The following PTPRM variants were observed in gnomAD, a reference collection of about 807,000 sequenced individuals.
PTPRM encodes protein tyrosine phosphatase receptor type M.
PTPRM carries 47 observed loss-of-function variants against 186.7 expected under a neutral mutation model. The observed-to-expected ratio is 0.25, with a 90% confidence interval of 0.20 to 0.32. The LOEUF is 0.32. Ranked by LOEUF, PTPRM falls within the 10% of genes least tolerant of loss-of-function variation. PTPRM has a pLI of 1.00. For missense variants in PTPRM, 1,494 were observed against 1,865.0 expected (o/e 0.80, Z 3.66); for synonymous variants, 668 against 674.9 (o/e 0.99, Z 0.16).
At chr18:8,264,010 T>C (rs1215201513) in intron 19 of PTPRM, among the ~76,000 whole-genome samples, 1 of 152,136 alleles carries the variant, frequency 6.6e-6, no homozygotes, top group East Asian at 1.9e-4. Flanking sequence ...GGGACTGGCA[T>C]CTGAAGCGGG....
intron 19 of PTPRM, among the ~76,000 whole-genome samples, chr18:8,295,199 G>T (rs1213926783): frequency 6.6e-6 from 1 of 152,146 alleles, no homozygotes; most frequent in Non-Finnish European, 1.5e-5. Context: ...ACATCTCGTG[G>T]CGTCTGCGAG....
intron 14 of PTPRM, among the ~76,000 whole-genome samples, chr18:8,149,510 A>C (rs1438211824): frequency 6.6e-6 from 1 of 152,030 alleles, no homozygotes; most frequent in Admixed American, 6.6e-5. Context: ...CTTGGTAAAT[A>C]TTCTCCATCC....
chr18:8,196,013 C>T (rs2093773337), intron 14 of PTPRM, among the ~76,000 whole-genome samples: 1 of 152,148 alleles, frequency 6.6e-6, no homozygotes, highest in African/African-American at 2.4e-5. Flanking sequence ...TATTCCTTTC[C>T]ACTCAAGCAC....
rs141169722 is a variant in PTPRM at position 8,042,884 on chromosome 18, C to T, written c.1133-26802C>T. Among the ~76,000 whole-genome samples the T allele has an allele frequency of 4.4e-3, 667 of 152,276 alleles. 2 individuals are homozygous for T. Among genetic ancestry groups the T allele is most frequent in the African/African-American group, 0.015 (644 of 41,550 alleles). ...ATGTTGCCATTTTCTTGGTCCAGGC[C>T]TCATGTACTCATCGCCAAGACAGTT... On this transcript the variant is annotated intron_variant, in intron 7 of 32. Coordinates refer to ENST00000580170, the MANE Select transcript of PTPRM (RefSeq NM_001105244.2).
Position 8,069,876 on chromosome 18 carries a change from C to T in PTPRM, c.1323C>T (p.His441=), listed in dbSNP as rs749718741. The T allele has an allele frequency of 2.5e-6, 4 of 1,613,688 alleles. No individual in the cohort carries two copies. In the Admixed American group the frequency reaches 5.0e-5, roughly 20 times the overall value. The change falls in exon 8 of 33, where the codon CAC becomes CAT. Residue 441 remains histidine (H), a synonymous_variant. Coordinates refer to ENST00000580170, the MANE Select transcript of PTPRM (RefSeq NM_001105244.2). ...EEVSWDTENS[H]PQHTITNLSP... ...TAAGCTGGGATACAGAAAACTCACA[C>T]CCTCAACACACGATCACTAACCTGT...
chr18:7,574,424 T>C (rs1373407037), intron 1 of PTPRM, among the ~76,000 whole-genome samples: 1 of 152,258 alleles, frequency 6.6e-6, no homozygotes, highest in African/African-American at 2.4e-5. Context: ...TGCAGCCCAG[T>C]GTGCTTATTA....
chr18:8,171,981 T>C (rs1384927558), intron 14 of PTPRM, among the ~76,000 whole-genome samples: 1 of 152,186 alleles, frequency 6.6e-6, no homozygotes, highest in Non-Finnish European at 1.5e-5. Flanking sequence ...ACAGAATGGT[T>C]GTATGGATAC....
chr18:7,934,533 G>C (rs1033579694), intron 5 of PTPRM, among the ~76,000 whole-genome samples: 1 of 152,174 alleles, frequency 6.6e-6, no homozygotes, highest in Admixed American at 6.5e-5. Context: ...ATCTACCATA[G>C]AATTTGGCTT....
At position 7,897,251 on chromosome 18, in the gene PTPRM, T is replaced by C. The variant is rs540443183; in HGVS notation, c.468+8874T>C. ...GCTGGAGCCAGAATTTGGGCTTTGC[T>C]GAGTATTTCTTGAGTCTAGTGTTCC... On this transcript the variant is annotated intron_variant, in intron 3 of 32. Coordinates refer to ENST00000580170, the MANE Select transcript of PTPRM (RefSeq NM_001105244.2). Among the ~76,000 whole-genome samples, 7 of 152,350 alleles carry C rather than the reference T, an allele frequency of 4.6e-5. No individual in the cohort carries two copies. The East Asian group carries it at 1.4e-3, about 29-fold the overall frequency.
At chr18:8,141,009 TC>T (rs2092754571) in intron 13 of PTPRM, among the ~76,000 whole-genome samples, 1 of 152,110 alleles carries the variant, frequency 6.6e-6, no homozygotes, top group South Asian at 2.1e-4. Flanking sequence ...ATATCCCCTG[TC>T]CAAGGCCCGC....
At chr18:7,952,908 G>A (rs139372298) in intron 6 of PTPRM, among the ~76,000 whole-genome samples, 3,273 of 152,038 alleles carry the variant, frequency 0.022, 44 homozygotes, top group African/African-American at 0.044. Flanking sequence ...CAGGAGGCTG[G>A]GGCTGGAGAA....
intron 1 of PTPRM, among the ~76,000 whole-genome samples, chr18:7,709,214 C>T (rs778014461): frequency 6.6e-6 from 1 of 152,120 alleles, no homozygotes; most frequent in African/African-American, 2.4e-5. Flanking sequence ...CAATTATCTT[C>T]TCAGACCACA....
intron 4 of PTPRM, among the ~76,000 whole-genome samples, chr18:7,914,385 TCTTAC>T (rs1189585706): frequency 2.0e-5 from 3 of 152,166 alleles, no homozygotes; most frequent in Non-Finnish European, 4.4e-5. Context: ...TAAAGCCTAT[TCTTAC>T]CTTTCAAGGA....
chr18:7,858,314 T>G (rs1298890918), intron 2 of PTPRM, among the ~76,000 whole-genome samples: 1 of 152,072 alleles, frequency 6.6e-6, no homozygotes, highest in East Asian at 1.9e-4. Context: ...TCCAGCACTT[T>G]GGGAGGCCGA....
At chr18:8,082,539 C>G (rs974337704) in intron 9 of PTPRM, among the ~76,000 whole-genome samples, 1 of 149,384 alleles carries the variant, frequency 6.7e-6, no homozygotes, top group African/African-American at 2.5e-5. Context: ...CCCTCTCTCC[C>G]CTTCTCTCTC....
chr18:7,867,143 C>G (rs2047749049), intron 2 of PTPRM, among the ~76,000 whole-genome samples: 1 of 152,200 alleles, frequency 6.6e-6, no homozygotes, highest in African/African-American at 2.4e-5. Flanking sequence ...GGTCTCGACT[C>G]TTTGTCCAGT....
intron 30 of PTPRM, among the ~76,000 whole-genome samples, chr18:8,385,495 C>T (rs1204432907): frequency 6.6e-6 from 1 of 152,160 alleles, no homozygotes; most frequent in Non-Finnish European, 1.5e-5. Flanking sequence ...CACCGAGGCT[C>T]TCTGGGGAGG....
intron 10 of PTPRM, among the ~76,000 whole-genome samples, chr18:8,087,641 G>A (rs2090497623): frequency 6.6e-6 from 1 of 152,130 alleles, no homozygotes; most frequent in Admixed American, 6.5e-5. Context: ...ATGGACCTAA[G>A]AGAGGGAACC....
intron 19 of PTPRM, chr18:8,270,175 C>T (rs1283530476): frequency 6.6e-6 from 1 of 151,530 alleles, no homozygotes; most frequent in Non-Finnish European, 1.5e-5. Context: ...TATTTGAAGA[C>T]CGTATATCTG....
Sources: gnomAD v4.1 joint callset for allele counts (sites outside exome capture counted in the v4.1 genomes callset) on GRCh38, gnomAD v4.1.1 for gene constraint, MANE v1.5 for transcripts, NCBI Gene and HGNC (gene_info 2026-07-23, HGNC 2026-07-21) for gene names.